The following NFATC3 variants were observed in gnomAD, a reference collection of about 807,000 sequenced individuals.
NFATC3 encodes the protein nuclear factor of activated T cells 3, also known as nuclear factor of activated T-cells, cytoplasmic 3.
In NFATC3, 46 loss-of-function variants were observed where a neutral mutation model predicts 98.6. That is an observed-to-expected ratio of 0.47 (90% confidence interval 0.37 to 0.60). The LOEUF (loss-of-function observed/expected upper bound fraction) is 0.60. Among genes scored for constraint, NFATC3 ranks in the 20% least tolerant of loss-of-function variants. NFATC3 has a pLI of 0.00. For synonymous variants in NFATC3, 512 were observed against 472.2 expected, an observed-to-expected ratio of 1.08 and a Z score of -1.09; for missense variants, 1,256 against 1,295.5, an observed-to-expected ratio of 0.97 and a Z score of 0.47.
intron 9 of NFATC3, among the ~76,000 whole-genome samples, chr16:68,215,722 C>CTTTATTT: frequency 1.0e-5 from 1 of 96,038 alleles, no homozygotes; most frequent in South Asian, 3.5e-4. Context: ...GAGATTTGCA[C>CTTTATTT]TTTTTTTTTT....
At position 68,122,151 on chromosome 16, in the gene NFATC3, T is replaced by G; in HGVS notation, c.268T>G (p.Cys90Gly). The change falls in exon 2 of 10, where the codon TGT becomes GGT. Residue 90 changes from cysteine (C) to glycine (G), a missense_variant. By Grantham distance (159) the Cys-to-Gly change is radical. Coordinates refer to ENST00000346183, the MANE Select transcript of NFATC3 (RefSeq NM_173165.3). ...LQSHKNYEGT[C>G]EIPESKYSPL... ...AAGTCACAAAAACTATGAAGGAACT[T>G]GTGAGATTCCTGAATCTAAATATAG... The G allele has an allele frequency of 6.2e-7, 1 of 1,614,156 alleles. No homozygotes were observed. Among genetic ancestry groups the G allele is most frequent in the South Asian group, 1.1e-5 (1 of 91,086 alleles).
intron 4 of NFATC3, among the ~76,000 whole-genome samples, chr16:68,161,184 A>T (rs1254022190): frequency 2.0e-5 from 3 of 152,160 alleles, no homozygotes; most frequent in African/African-American, 7.2e-5. Context: ...CTGGGATCTT[A>T]CTTTTTTATA....
At chr16:68,097,875 T>G (rs1434719674) in intron 1 of NFATC3, among the ~76,000 whole-genome samples, 1 of 152,138 alleles carries the variant, frequency 6.6e-6, no homozygotes, top group Non-Finnish European at 1.5e-5. Context: ...AATCACTCCC[T>G]CCCATACACC....
At chr16:68,208,058 C>T (rs775761965) in intron 9 of NFATC3, among the ~76,000 whole-genome samples, 5 of 151,714 alleles carry the variant, frequency 3.3e-5, no homozygotes, top group Non-Finnish European at 5.9e-5. Flanking sequence ...ATTTTTGAGA[C>T]GGAATCTGGC....
rs762588316 is a variant in NFATC3 at position 68,157,930 on chromosome 16, G to A, written c.1463G>A (p.Arg488Gln). 8.1e-5 allele frequency: 131 copies of A among 1,613,584 alleles called. No individual in the cohort carries two copies. The highest frequency in any genetic ancestry group is 1.0e-4 in the Non-Finnish European group (118 of 1,179,826). The part of the protein sequence containing the change: ...LQMFIGTADD[R>Q]YLRPHAFYQV... ...ATGTTTATTGGGACAGCAGATGATC[G>A]ATATTTACGACCTCATGCATTTTAC... The change falls in exon 4 of 10, where the codon CGA (arginine) becomes CAA (glutamine). Residue 488 changes from arginine (R) to glutamine (Q), a missense_variant. Around this residue, in one of 3 missense-constraint regions of NFATC3, gnomAD observed 156 missense variants for 212.4 expected, o/e 0.73. Coordinates refer to ENST00000346183, the MANE Select transcript of NFATC3 (RefSeq NM_173165.3).
At chr16:68,165,578 C>T (rs192029091) in intron 4 of NFATC3, among the ~76,000 whole-genome samples, 1 of 151,878 alleles carries the variant, frequency 6.6e-6, no homozygotes, top group Non-Finnish European at 1.5e-5. Flanking sequence ...TGTATTTTAG[C>T]AGAGACAGGG....
intron 9 of NFATC3, chr16:68,214,251 C>T (rs1217159305): frequency 1.2e-5 from 12 of 1,033,266 alleles, no homozygotes; most frequent in Non-Finnish European, 1.5e-5. Flanking sequence ...AGAAAAAAAA[C>T]AGGCTGGGCA....
chr16:68,159,046 A>T (rs1485175289), intron 4 of NFATC3, among the ~76,000 whole-genome samples: 1 of 152,232 alleles, frequency 6.6e-6, no homozygotes, highest in Non-Finnish European at 1.5e-5. Context: ...AGCCTGAGCA[A>T]CATGGCGAAA....
In NFATC3 at chr16:68,227,936, A is replaced by AT. The variant is rs1265265699; in HGVS notation, c.*1471dup. 2.6e-5 allele frequency: 4 copies of AT among 152,062 alleles called. No individual in the cohort carries two copies. The highest frequency in any genetic ancestry group is 9.7e-5 in the African/African-American group (4 of 41,386). The allele number at this position is 152,062 out of a possible 1,614,324, so 9.4% of individuals were successfully genotyped here. A position where few individuals can be genotyped will look rare whatever the true frequency, so the allele number is the denominator to read the frequency against. On this transcript the variant is annotated 3_prime_UTR_variant, in exon 10 of 10. Coordinates refer to ENST00000346183, the MANE Select transcript of NFATC3 (RefSeq NM_173165.3). ...ATACTTCCATTGATTCAGGAAGCAG[A>AT]TTTTTTGAGTGCCTATATGTGAGAC...
At chr16:68,198,774 C>T (rs925825057) in intron 9 of NFATC3, among the ~76,000 whole-genome samples, 9 of 152,192 alleles carry the variant, frequency 5.9e-5, no homozygotes, top group Non-Finnish European at 1.0e-4. Flanking sequence ...CATAGCTGGG[C>T]GTGTTGGCTC....
At chr16:68,112,042 T>G (rs567133087) in intron 1 of NFATC3, among the ~76,000 whole-genome samples, 10 of 152,264 alleles carry the variant, frequency 6.6e-5, no homozygotes, top group African/African-American at 2.2e-4. Flanking sequence ...CTCCCTGCGC[T>G]TAACATTTTT....
At chr16:68,116,713 G>A (rs1369908978) in intron 1 of NFATC3, among the ~76,000 whole-genome samples, 1 of 152,022 alleles carries the variant, frequency 6.6e-6, no homozygotes, top group Non-Finnish European at 1.5e-5. Flanking sequence ...GGAGAAGGGT[G>A]TGGTTTTCAG....
intron 8 of NFATC3, 82 bp from the exon 9 acceptor site, chr16:68,190,686 G>A (rs573814162): frequency 1.4e-4 from 200 of 1,424,346 alleles, no homozygotes; most frequent in Non-Finnish European, 1.9e-4. Context: ...TTACGCTGTA[G>A]TTGTGTAACC....
chr16:68,147,707 T>C (rs2038104616), intron 3 of NFATC3, among the ~76,000 whole-genome samples: 1 of 149,126 alleles, frequency 6.7e-6, no homozygotes, highest in African/African-American at 2.5e-5. Flanking sequence ...AATAGATGAA[T>C]GTGAGGAAGT....
chr16:68,133,601 C>T (rs1285659957), intron 3 of NFATC3, among the ~76,000 whole-genome samples: 3 of 152,020 alleles, frequency 2.0e-5, no homozygotes, highest in African/African-American at 7.2e-5. Flanking sequence ...CAGTTTATAC[C>T]CCCAACCGAA....
At chr16:68,218,575 CTT>C (rs535788151) in intron 9 of NFATC3, among the ~76,000 whole-genome samples, 1 of 125,966 alleles carries the variant, frequency 7.9e-6, no homozygotes, top group African/African-American at 2.9e-5. Context: ...TTAGATGGTG[CTT>C]TTTTTTTTTA....
intron 6 of NFATC3, among the ~76,000 whole-genome samples, chr16:68,176,199 A>G (rs951078546): frequency 6.6e-6 from 1 of 151,960 alleles, no homozygotes; most frequent in African/African-American, 2.4e-5. Flanking sequence ...GCTGGTCTCT[A>G]ACTCCTGACC....
chr16:68,115,245 G>A (rs2036211535), intron 1 of NFATC3, among the ~76,000 whole-genome samples: 1 of 151,762 alleles, frequency 6.6e-6, no homozygotes, highest in Non-Finnish European at 1.5e-5. Context: ...TTGTATTTTA[G>A]TAGAGATGAG....
chr16:68,221,850 T>C (rs1393639806), intron 9 of NFATC3, among the ~76,000 whole-genome samples: 2 of 152,184 alleles, frequency 1.3e-5, no homozygotes, highest in Admixed American at 6.6e-5. Flanking sequence ...TGAGCAGGCT[T>C]CCATTATAAT....
Sources: gnomAD v4.1 joint callset for allele counts (sites outside exome capture counted in the v4.1 genomes callset) on GRCh38, gnomAD v4.1.1 for gene constraint, gnomAD v4.1.1 regional missense constraint, MANE v1.5 for transcripts, NCBI Gene and HGNC (gene_info 2026-07-23, HGNC 2026-07-21) for gene names.